ATP8B4: variants seen among roughly 807,000 people sequenced by gnomAD.
The protein encoded by ATP8B4 is probable phospholipid-transporting ATPase IM.
Under a neutral mutation model 145.6 loss-of-function variants are expected in ATP8B4, and 133 were observed. The ratio of observed to expected loss-of-function variants is 0.91; its 90% CI spans 0.79 to 1.05. The LOEUF is 1.05. Among genes scored for constraint, ATP8B4 ranks in the 50% least tolerant of loss-of-function variants. The pLI, the probability that ATP8B4 is intolerant of heterozygous loss-of-function variation, is 0.00. For missense variants in ATP8B4, 1,458 were observed against 1,425.2 expected, an observed-to-expected ratio of 1.02 and a Z score of -0.37; for synonymous variants, 507 against 492.9, an observed-to-expected ratio of 1.03 and a Z score of -0.38.
chr15:49,949,146 T>C (rs1057098168), intron 14 of ATP8B4, among the ~76,000 whole-genome samples: 2 of 152,232 alleles, frequency 1.3e-5, no homozygotes, highest in Non-Finnish European at 2.9e-5. Flanking sequence ...GTCTTGGCTA[T>C]ACAGGGTCTT....
rs899781450 is a variant in ATP8B4, at chr15:49,999,149, G to C, written c.507-2390C>G. 2.6e-4 allele frequency among the ~76,000 whole-genome samples: 39 copies of C among 152,102 alleles called. 1 individual carries two copies. The highest frequency in any genetic ancestry group is 8.9e-4 in the African/African-American group (37 of 41,512). Reference sequence around the variant, plus strand: ...GGAACCAACCCAAATGTCCAACAATGATAGATTGGATTAAGAAAATGTGGC... The same window carrying C: ...GGAACCAACCCAAATGTCCAACAATCATAGATTGGATTAAGAAAATGTGGC... On this transcript the variant is annotated intron_variant, in intron 8 of 27. Transcript: ENST00000284509.
At chr15:50,039,340 A>C (rs1815137610) in intron 5 of ATP8B4, among the ~76,000 whole-genome samples, 1 of 152,250 alleles carries the variant, frequency 6.6e-6, no homozygotes, top group Non-Finnish European at 1.5e-5. Flanking sequence ...TGAGCATTTA[A>C]AGCAAAAATT....
intron 9 of ATP8B4, among the ~76,000 whole-genome samples, chr15:49,989,780 G>A (rs139144432): frequency 6.6e-6 from 1 of 152,066 alleles, no homozygotes; most frequent in Admixed American, 6.6e-5. Flanking sequence ...CATCAGAAGT[G>A]CTCGGCTTCC....
intron 14 of ATP8B4, among the ~76,000 whole-genome samples, chr15:49,937,484 G>A (rs1321484776): frequency 6.6e-6 from 1 of 152,156 alleles, no homozygotes; most frequent in African/African-American, 2.4e-5. Context: ...GACAGGTATA[G>A]TTCACAATAT....
At chr15:49,974,081 C>CTTTTTTT (rs5812500) in intron 12 of ATP8B4, among the ~76,000 whole-genome samples, 8 of 126,694 alleles carry the variant, frequency 6.3e-5, no homozygotes, top group Non-Finnish European at 1.1e-4. Context: ...TATCATTTGT[C>CTTTTTTT]TTTTTTTTTT....
At chr15:50,044,525 T>C (rs2051568670) in intron 5 of ATP8B4, 69 bp downstream of exon 5, 1 of 1,095,546 alleles carries the variant, frequency 9.1e-7, no homozygotes, top group Non-Finnish European at 1.3e-6. Context: ...AAATGTATCT[T>C]CATTATCTAT....
At chr15:50,054,047 AAAG>A (rs2052392566) in intron 3 of ATP8B4, among the ~76,000 whole-genome samples, 1 of 152,242 alleles carries the variant, frequency 6.6e-6, no homozygotes, top group South Asian at 2.1e-4. Flanking sequence ...TGCTAAATTG[AAAG>A]AATTATGCAA....
chr15:49,928,192 G>A (rs1196061407), intron 16 of ATP8B4, among the ~76,000 whole-genome samples: 1 of 152,144 alleles, frequency 6.6e-6, no homozygotes, highest in African/African-American at 2.4e-5. Context: ...AGTTGTGAGT[G>A]TCATGGAATT....
intron 1 of ATP8B4, among the ~76,000 whole-genome samples, chr15:50,115,997 G>A (rs1341677558): frequency 1.3e-5 from 2 of 152,196 alleles, no homozygotes; most frequent in African/African-American, 2.4e-5. Context: ...AGTCCAGGCT[G>A]TCAGGGATTT....
intron 3 of ATP8B4, among the ~76,000 whole-genome samples, chr15:50,066,620 T>G (rs2053400440): frequency 1.3e-5 from 2 of 152,154 alleles, no homozygotes; most frequent in Non-Finnish European, 2.9e-5. Flanking sequence ...GAGTTTTACC[T>G]TTCCATGGAT....
intron 12 of ATP8B4, among the ~76,000 whole-genome samples, chr15:49,978,595 A>G (rs1042349255): frequency 1.3e-5 from 2 of 152,102 alleles, no homozygotes; most frequent in African/African-American, 4.8e-5. Flanking sequence ...TGTACTGTTA[A>G]AGTACTGATG....
At chr15:50,059,518 TTGAATGAA>T (rs751196247) in intron 3 of ATP8B4, among the ~76,000 whole-genome samples, 7 of 152,138 alleles carry the variant, frequency 4.6e-5, no homozygotes, top group African/African-American at 1.7e-4. Flanking sequence ...CCCCTGTTCC[TTGAATGAA>T]TGAATGAATG....
chr15:50,013,667 T>C (rs562550370), intron 6 of ATP8B4, among the ~76,000 whole-genome samples: 1 of 152,178 alleles, frequency 6.6e-6, no homozygotes, highest in South Asian at 2.1e-4. Context: ...AAATTTAGAT[T>C]CCAAAGGCAC....
chr15:50,070,435 T>A (rs2053651875), intron 3 of ATP8B4, among the ~76,000 whole-genome samples: 1 of 152,204 alleles, frequency 6.6e-6, no homozygotes, highest in African/African-American at 2.4e-5. Flanking sequence ...GTACTTTGAT[T>A]ATCCCCAACA....
chr15:50,076,673 G>A (rs1600222334), intron 2 of ATP8B4, among the ~76,000 whole-genome samples: 1 of 152,214 alleles, frequency 6.6e-6, no homozygotes. Context: ...ATTAGAGCCA[G>A]GAAGCCCACT....
At chr15:50,063,866 A>G (rs1231901333) in intron 3 of ATP8B4, among the ~76,000 whole-genome samples, 1 of 152,206 alleles carries the variant, frequency 6.6e-6, no homozygotes, top group Non-Finnish European at 1.5e-5. Flanking sequence ...AACAGAAGAC[A>G]TGTTTGCTCT....
At chr15:49,943,213 T>TTTA (rs1438127231) in intron 14 of ATP8B4, among the ~76,000 whole-genome samples, 1 of 152,050 alleles carries the variant, frequency 6.6e-6, no homozygotes, top group Non-Finnish European at 1.5e-5. Context: ...TGAAAAAATC[T>TTTA]TTATGGACTC....
chr15:49,919,504 G>A lies in ATP8B4; in HGVS notation c.1924-554C>T, dbSNP rs187596701. On this transcript the variant is annotated intron_variant, in intron 18 of 27. Transcript: ENST00000284509. ...GCGATCTCGGCTCACTGCAAGCTCCGCCTCCCGGGTTCACACCATTCTCCT... is the reference window on the plus strand; with the variant it reads ...GCGATCTCGGCTCACTGCAAGCTCCACCTCCCGGGTTCACACCATTCTCCT... Among the ~76,000 whole-genome samples the A allele has an allele frequency of 2.6e-3, 388 of 152,080 alleles. 2 individuals carry two copies. The highest frequency in any genetic ancestry group is 8.7e-3 in the African/African-American group (359 of 41,476).
intron 2 of ATP8B4, among the ~76,000 whole-genome samples, chr15:50,078,641 T>C (rs1392902022): frequency 2.6e-5 from 4 of 151,904 alleles, no homozygotes; most frequent in Admixed American, 1.3e-4. Flanking sequence ...GAGTAAGATG[T>C]AACTCTTCAA....
Sources: gnomAD v4.1 joint callset for allele counts (sites outside exome capture counted in the v4.1 genomes callset) on GRCh38, gnomAD v4.1.1 for gene constraint, MANE v1.5 for transcripts, NCBI Gene and HGNC (gene_info 2026-07-23, HGNC 2026-07-21) for gene names.